Variants in DYRK1A observed in about 807,000 individuals in gnomAD.
The protein encoded by DYRK1A is dual specificity tyrosine phosphorylation regulated kinase 1A, also known as dual specificity tyrosine-phosphorylation-regulated kinase 1A.
Under a neutral mutation model 79.7 loss-of-function variants are expected in DYRK1A, and 9 were observed. The ratio of observed to expected loss-of-function variants is 0.11; its 90% CI spans 0.07 to 0.20. The LOEUF is 0.20. Ranked by LOEUF, DYRK1A falls within the 10% of genes least tolerant of loss-of-function variation. DYRK1A has a pLI of 1.00. For synonymous variants in DYRK1A, 349 were observed against 329.7 expected (o/e 1.06, Z -0.63); for missense variants, 622 against 956.0 (o/e 0.65, Z 4.61).
intron 7 of DYRK1A, 41 bp downstream of exon 7, chr21:37,490,502 A>G: frequency 6.3e-7 from 1 of 1,578,682 alleles, no homozygotes; most frequent in Non-Finnish European, 8.6e-7. Context: ...ATAGAAATTA[A>G]ATAGAAGTAG....
chr21:37,454,091 T>TTTTTTTG, intron 2 of DYRK1A, among the ~76,000 whole-genome samples: 1 of 132,946 alleles, frequency 7.5e-6, no homozygotes, highest in African/African-American at 2.8e-5. Context: ...TCTCCTTTTT[T>TTTTTTTG]TTTTTTTTTT....
At chr21:37,448,572 T>C (rs886115444) in intron 2 of DYRK1A, among the ~76,000 whole-genome samples, 2 of 152,246 alleles carry the variant, frequency 1.3e-5, no homozygotes. Flanking sequence ...TGAAATATTA[T>C]AGGTATGATT....
chr21:37,392,566 A>G (rs986153487), intron 1 of DYRK1A, among the ~76,000 whole-genome samples: 3 of 152,218 alleles, frequency 2.0e-5, no homozygotes, highest in Non-Finnish European at 2.9e-5. Context: ...TCTGCTTCAT[A>G]GATGATGCCT....
chr21:37,506,309 C>G (rs184784885), intron 11 of DYRK1A, 86 bp downstream of exon 11: 5 of 1,610,844 alleles, frequency 3.1e-6, no homozygotes, highest in Non-Finnish European at 1.7e-6. Flanking sequence ...TTAGAATGAC[C>G]GTATCATTTA....
At chr21:37,483,170 A>G (rs1403586333) in intron 5 of DYRK1A, among the ~76,000 whole-genome samples, 4 of 152,214 alleles carry the variant, frequency 2.6e-5, no homozygotes, top group Non-Finnish European at 5.9e-5. Flanking sequence ...AATCTTCACA[A>G]TTTATGTTTA....
At chr21:37,376,921 C>T (rs572885536) in intron 1 of DYRK1A, among the ~76,000 whole-genome samples, 2 of 152,126 alleles carry the variant, frequency 1.3e-5, no homozygotes, top group African/African-American at 4.8e-5. Context: ...GAAATGTATG[C>T]ATGTGTATAT....
chr21:37,371,626 G>A (rs1335963990), intron 1 of DYRK1A, among the ~76,000 whole-genome samples: 1 of 152,140 alleles, frequency 6.6e-6, no homozygotes, highest in Non-Finnish European at 1.5e-5. Flanking sequence ...TTGTATTACT[G>A]TTAAAACTAG....
At chr21:37,427,259 G>A (rs1174033054) in intron 2 of DYRK1A, among the ~76,000 whole-genome samples, 3 of 152,166 alleles carry the variant, frequency 2.0e-5, no homozygotes, top group African/African-American at 7.2e-5. Flanking sequence ...CTGCAGGCAC[G>A]TGCTGCCACA....
chr21:37,467,569 C>T (rs538582678), intron 2 of DYRK1A, among the ~76,000 whole-genome samples: 6 of 152,330 alleles, frequency 3.9e-5, no homozygotes, highest in African/African-American at 1.2e-4. Context: ...CAATCAGCGT[C>T]ATTCACCACA....
At chr21:37,500,723 A>G (rs2053416563) in intron 9 of DYRK1A, among the ~76,000 whole-genome samples, 1 of 152,018 alleles carries the variant, frequency 6.6e-6, no homozygotes, top group Non-Finnish European at 1.5e-5. Flanking sequence ...TTTCTCATCT[A>G]AATTGTTGAA....
Position 37,517,236 on chromosome 21 carries a change from G to C in DYRK1A, c.*4705G>C, listed in dbSNP as rs2053890518. 1 of 152,272 alleles carries C rather than the reference G, an allele frequency of 6.6e-6. No homozygotes were observed. Among genetic ancestry groups the C allele is most frequent in the African/African-American group, 2.4e-5 (1 of 41,418 alleles). The allele number at this position is 152,272 out of a possible 1,614,324, so 9.4% of individuals were successfully genotyped here. On this transcript the variant is annotated 3_prime_UTR_variant, in exon 12 of 12. Coordinates refer to ENST00000647188, the MANE Select transcript of DYRK1A (RefSeq NM_001347721.2). ...TAAGTTTGGGTCAGGCAAAGTGGTG[G>C]CAAAAGTTCATGATGCAGGACAGAG...
rs1286127346 is a variant in DYRK1A at position 37,516,955 on chromosome 21, C to T, written c.*4424C>T. 6.6e-6 allele frequency: 1 copy of T among 152,146 alleles called. No individual in the cohort carries two copies. The highest frequency in any genetic ancestry group is 2.4e-5 in the African/African-American group (1 of 41,416). 9.4% of individuals were successfully genotyped at this position (152,146 alleles called of 1,614,324 possible). On this transcript the variant is annotated 3_prime_UTR_variant, in exon 12 of 12. Coordinates refer to ENST00000647188, the MANE Select transcript of DYRK1A (RefSeq NM_001347721.2). The stretch of plus-strand genomic sequence containing the variant: ...GCAGCTGCTGTACCTGAAAATTTTT[C>T]CCCATAATTTCCCATCTTTAGGGTA...
chr21:37,505,152 G>A lies in DYRK1A; in HGVS notation c.1213-131G>A, dbSNP rs563709725. 8 of 713,202 alleles carry A rather than the reference G, an allele frequency of 1.1e-5. No homozygotes were observed. In the African/African-American group the frequency reaches 1.3e-4, roughly 11 times the overall value. 44.2% of individuals were successfully genotyped at this position (713,202 alleles called of 1,614,324 possible). A position where few individuals can be genotyped will look rare whatever the true frequency, so the allele number is the denominator to read the frequency against. ...GATAGTAATGTGTGAAAAGGCAGAGGATTTAACTATGAAGTGTCCTTTTTA... is the reference window on the plus strand; with the variant it reads ...GATAGTAATGTGTGAAAAGGCAGAGAATTTAACTATGAAGTGTCCTTTTTA... On this transcript the variant is annotated intron_variant, in intron 9 of 11. Coordinates refer to ENST00000647188, the MANE Select transcript of DYRK1A (RefSeq NM_001347721.2).
At chr21:37,476,346 C>G (rs755777563) in intron 3 of DYRK1A, among the ~76,000 whole-genome samples, 1 of 152,178 alleles carries the variant, frequency 6.6e-6, no homozygotes, top group Non-Finnish European at 1.5e-5. Context: ...ACATGTTGTT[C>G]AGTAAATACC....
intron 1 of DYRK1A, among the ~76,000 whole-genome samples, chr21:37,381,180 C>G (rs1166561439): frequency 6.6e-6 from 1 of 152,064 alleles, no homozygotes; most frequent in East Asian, 1.9e-4. Flanking sequence ...ATGCTTTGGT[C>G]TTTACTAGTT....
intron 5 of DYRK1A, among the ~76,000 whole-genome samples, chr21:37,485,533 A>G (rs1445119992): frequency 6.6e-6 from 1 of 152,168 alleles, no homozygotes; most frequent in African/African-American, 2.4e-5. Flanking sequence ...TTATGGTTTC[A>G]TCCTGCACCT....
At chr21:37,405,799 T>G (rs2050136038) in intron 1 of DYRK1A, among the ~76,000 whole-genome samples, 1 of 152,202 alleles carries the variant, frequency 6.6e-6, no homozygotes, top group East Asian at 1.9e-4. Context: ...AACACTATAC[T>G]GTGAAGTCCA....
intron 1 of DYRK1A, among the ~76,000 whole-genome samples, chr21:37,378,336 G>A (rs1028654148): frequency 1.8e-4 from 27 of 152,138 alleles, no homozygotes; most frequent in Admixed American, 1.8e-3. Context: ...AGTTTGAGAC[G>A]ACCCTGACCG....
At chr21:37,439,262 G>C (rs1393545116) in intron 2 of DYRK1A, among the ~76,000 whole-genome samples, 1 of 152,014 alleles carries the variant, frequency 6.6e-6, no homozygotes. Context: ...TTCCAGTTTG[G>C]TTACCTTGTA....
Sources: allele counts gnomAD v4.1 joint callset (sites outside exome capture counted in the v4.1 genomes callset), GRCh38; gene constraint gnomAD v4.1.1; transcripts MANE v1.5; gene names NCBI Gene and HGNC (gene_info 2026-07-23, HGNC 2026-07-21).